The following EMP1 variants were observed in gnomAD, a reference collection of about 807,000 sequenced individuals.
EMP1 encodes epithelial membrane protein 1, also known as tumor-associated membrane protein.
A neutral mutation model predicts 15.7 loss-of-function variants in EMP1; 5 were observed. The observed-to-expected ratio is 0.32, with a 90% confidence interval of 0.17 to 0.67. The LOEUF is 0.67. Ranked by LOEUF, EMP1 falls within the 30% of genes least tolerant of loss-of-function variation. EMP1 has a pLI of 0.74. For missense variants in EMP1, 166 were observed against 194.2 expected (o/e 0.85, Z 0.86); for synonymous variants, 78 against 76.7 (o/e 1.02, Z -0.09).
chr12:13,216,541 C>CTCACA lies in EMP1; in HGVS notation c.*1852_*1856dup, dbSNP rs1263391590. ...ATTTCAGACATATCCAAAGGGAATA[C>CTCACA]TCACATTTTGTTAAGAAGTTGAACT... On this transcript the variant is annotated 3_prime_UTR_variant, in exon 5 of 5. Coordinates refer to ENST00000256951, the MANE Select transcript of EMP1 (RefSeq NM_001423.3). 1.5e-6 allele frequency: 1 copy of CTCACA among 681,306 alleles called. No individual in the cohort carries two copies. The highest frequency in any genetic ancestry group is 2.7e-6 in the Non-Finnish European group (1 of 374,024). The allele number at this position is 681,306 out of a possible 1,614,324, so 42.2% of individuals were successfully genotyped here.
intron 4 of EMP1, 79 bp from the exon 5 acceptor site, chr12:13,214,455 G>T (rs1864194714): frequency 1.9e-6 from 3 of 1,560,700 alleles, no homozygotes; most frequent in South Asian, 1.2e-5. Context: ...AGGGAAATAG[G>T]ATCTTCTTAA....
Position 13,211,653 on chromosome 12 carries a change from C to G in EMP1, c.78+65C>G. Reference sequence around the variant, plus strand: ...CATTCGAATATTTACATCAAGTGCACAAAAGAAGTTTAAGCCACAGCCCTT... The same window carrying G: ...CATTCGAATATTTACATCAAGTGCAGAAAAGAAGTTTAAGCCACAGCCCTT... On this transcript the variant is annotated intron_variant, in intron 2 of 4. Transcript: ENST00000256951. This position sits in a 1 kb window ranked among gnomAD's most constrained non-coding sequence, Gnocchi z 4.7. The G allele has an allele frequency of 6.3e-7, 1 of 1,586,256 alleles. No homozygotes were observed. The highest frequency in any genetic ancestry group is 8.6e-7 in the Non-Finnish European group (1 of 1,157,484).
At chr12:13,198,891 G>C (rs1054244513) in intron 1 of EMP1, among the ~76,000 whole-genome samples, 4 of 152,162 alleles carry the variant, frequency 2.6e-5, no homozygotes, top group African/African-American at 7.2e-5. Flanking sequence ...TCCCTTAGCT[G>C]TGAGAGTTTT....
At chr12:13,207,305 G>T (rs1864119217) in intron 1 of EMP1, among the ~76,000 whole-genome samples, 1 of 152,074 alleles carries the variant, frequency 6.6e-6, no homozygotes, top group African/African-American at 2.4e-5. Context: ...TTGATACTAG[G>T]TTTCACCACG....
chr12:13,214,075 G>A (rs1864191845), intron 4 of EMP1: 5 of 646,754 alleles, frequency 7.7e-6, no homozygotes, highest in Non-Finnish European at 1.4e-5. Flanking sequence ...TAGCACGTGT[G>A]TACAAGACAC....
intron 1 of EMP1, among the ~76,000 whole-genome samples, chr12:13,208,343 G>C (rs1285339602): frequency 6.6e-6 from 1 of 152,122 alleles, no homozygotes; most frequent in Admixed American, 6.5e-5. Context: ...TTACCCATTA[G>C]TTACCACTAA....
rs7966078 is a variant in EMP1 at position 13,216,036 on chromosome 12, C to T, written c.*1345C>T. 1,451 of 181,506 alleles carry T rather than the reference C, an allele frequency of 8.0e-3. 27 individuals carry two copies. Among genetic ancestry groups the T allele is most frequent in the African/African-American group, 0.032 (1,364 of 42,292 alleles). The allele number at this position is 181,506 out of a possible 1,614,324, so 11.2% of individuals were successfully genotyped here. Reference sequence around the variant, plus strand: ...TTGTGGTACCTAGTCAGATGGTAGACGAGCTGTCTGCTGCCGCAGGAGCAC... The same window carrying T: ...TTGTGGTACCTAGTCAGATGGTAGATGAGCTGTCTGCTGCCGCAGGAGCAC... On this transcript the variant is annotated 3_prime_UTR_variant, in exon 5 of 5. Transcript: ENST00000256951.
At chr12:13,207,762 C>A (rs549427199) in intron 1 of EMP1, among the ~76,000 whole-genome samples, 10 of 152,204 alleles carry the variant, frequency 6.6e-5, no homozygotes, top group Non-Finnish European at 1.2e-4. Context: ...CCTCCACTCA[C>A]AGTGGTGGGT....
At chr12:13,213,351 A>C in intron 2 of EMP1, 128 bp from the exon 3 acceptor site, 1 of 813,588 alleles carries the variant, frequency 1.2e-6, no homozygotes, top group Admixed American at 2.4e-5. Context: ...GATAAGCTGC[A>C]TAGCCATAGT....
chr12:13,197,544 G>A (rs542473826), intron 1 of EMP1, among the ~76,000 whole-genome samples: 3 of 152,294 alleles, frequency 2.0e-5, no homozygotes, highest in Non-Finnish European at 4.4e-5. Context: ...GGGAGGCTGA[G>A]GCGGGCGGAT....
rs1352592009 is a variant in EMP1 at position 13,214,731 on chromosome 12, G to C, written c.*40G>C. 2 of 1,551,178 alleles carry C rather than the reference G, an allele frequency of 1.3e-6. No individual in the cohort carries two copies. Among genetic ancestry groups the C allele is most frequent in the Non-Finnish European group, 1.7e-6 (2 of 1,143,388 alleles). On this transcript the variant is annotated 3_prime_UTR_variant, in exon 5 of 5. Coordinates refer to ENST00000256951, the MANE Select transcript of EMP1 (RefSeq NM_001423.3). ...ATGGGGATCTGGGGGGTGGGGAGGA[G>C]GAAGCCGTTGAATCTGGGAGGGAAG... is the stretch of plus-strand genomic sequence containing the variant.
chr12:13,219,586 T>A lies in EMP1; in HGVS notation c.*4895T>A, dbSNP rs1248213405. 6.6e-6 allele frequency: 1 copy of A among 152,218 alleles called. No homozygotes were observed. Among genetic ancestry groups the A allele is most frequent in the East Asian group, 1.9e-4 (1 of 5,198 alleles). The allele number at this position is 152,218 out of a possible 1,614,324, so 9.4% of individuals were successfully genotyped here. A position where few individuals can be genotyped will look rare whatever the true frequency, so the allele number is the denominator to read the frequency against. On this transcript the variant is annotated 3_prime_UTR_variant, in exon 5 of 5. Transcript: ENST00000256951. The stretch of plus-strand genomic sequence containing the variant: ...CTGTATTAGTCTGTTTTCACACTGC[T>A]ATGAAGACATACTTGAGACTCGGTA...
intron 1 of EMP1, among the ~76,000 whole-genome samples, chr12:13,202,864 A>T (rs867205576): frequency 1.3e-5 from 2 of 152,248 alleles, no homozygotes; most frequent in South Asian, 2.1e-4. Flanking sequence ...CTTCCACCAA[A>T]CCCTAAGCCA....
At position 13,211,677 on chromosome 12, in the gene EMP1, T is replaced by C. The variant is rs1257290487; in HGVS notation, c.78+89T>C. The C allele has an allele frequency of 3.5e-6, 5 of 1,440,818 alleles. No individual in the cohort carries two copies. The highest frequency in any genetic ancestry group is 4.8e-6 in the Non-Finnish European group (5 of 1,034,000). The allele number at this position is 1,440,818 out of a possible 1,614,324, so 89.3% of individuals were successfully genotyped here. ...ACAAAAGAAGTTTAAGCCACAGCCC[T>C]TGCCCTTCATGAACTTACAGCTCAG... is the stretch of plus-strand genomic sequence containing the variant. On this transcript the variant is annotated intron_variant, in intron 2 of 4. Transcript: ENST00000256951. This position sits in a 1 kb window ranked among gnomAD's most constrained non-coding sequence, Gnocchi z 4.7.
rs1290677097 is a variant in EMP1, at chr12:13,218,741, T to C, written c.*4050T>C. 2.6e-5 allele frequency: 4 copies of C among 152,182 alleles called. No individual in the cohort carries two copies. The highest frequency in any genetic ancestry group is 9.7e-5 in the African/African-American group (4 of 41,418). 9.4% of individuals were successfully genotyped at this position (152,182 alleles called of 1,614,324 possible). Reference sequence around the variant, plus strand: ...GGGACATGACCATCAAGACCTATAATTGATAAACAACTAGGGGCTGGGTGC... The same window carrying C: ...GGGACATGACCATCAAGACCTATAACTGATAAACAACTAGGGGCTGGGTGC... On this transcript the variant is annotated 3_prime_UTR_variant, in exon 5 of 5. Transcript: ENST00000256951.
chr12:13,211,501 A>AG lies in EMP1; in HGVS notation c.-10_-9insG. On this transcript the variant is annotated 5_prime_UTR_variant, in exon 2 of 5. Transcript: ENST00000256951. This position sits in a 1 kb window ranked among gnomAD's most constrained non-coding sequence, Gnocchi z 4.7. ...TTTGCTCACAAGTTACCAAAAAAAA[A>AG]AGAGCCAACATGTTGGTATTGCTGG... The AG allele has an allele frequency of 1.2e-6, 2 of 1,608,896 alleles. No individual in the cohort carries two copies. The highest frequency in any genetic ancestry group is 1.7e-6 in the Non-Finnish European group (2 of 1,178,530).
chr12:13,214,454 G>A, intron 4 of EMP1, 80 bp from the exon 5 acceptor site: 1 of 1,559,702 alleles, frequency 6.4e-7, no homozygotes, highest in Non-Finnish European at 8.7e-7. Flanking sequence ...GAGGGAAATA[G>A]GATCTTCTTA....
At chr12:13,213,049 G>C (rs1238161809) in intron 2 of EMP1, among the ~76,000 whole-genome samples, 1 of 152,176 alleles carries the variant, frequency 6.6e-6, no homozygotes, top group Non-Finnish European at 1.5e-5. Context: ...ATTGTTTCCA[G>C]TTGGACATTT....
At position 13,201,604 on chromosome 12, in the gene EMP1, C is replaced by T. The variant is rs542698296; in HGVS notation, c.-43+4732C>T. On this transcript the variant is annotated intron_variant, in intron 1 of 4. Transcript: ENST00000256951. Reference sequence around the variant, plus strand: ...AAAAGGGCATTTTGCAGAGGATTCTCGTCTCCTGGGTGCCTTGAGGACCCA... The same window carrying T: ...AAAAGGGCATTTTGCAGAGGATTCTTGTCTCCTGGGTGCCTTGAGGACCCA... Among the ~76,000 whole-genome samples the T allele has an allele frequency of 3.2e-4, 48 of 152,284 alleles. No individual in the cohort carries two copies. The East Asian group carries it at 4.1e-3, about 13-fold the overall frequency.
Sources: gnomAD v4.1 joint callset for allele counts (sites outside exome capture counted in the v4.1 genomes callset) on GRCh38, gnomAD v4.1.1 for gene constraint, Gnocchi (gnomAD v3.1) non-coding constraint, MANE v1.5 for transcripts, NCBI Gene and HGNC (gene_info 2026-07-23, HGNC 2026-07-21) for gene names.